Variants in WWTR1 observed in about 807,000 individuals in gnomAD.
WWTR1 encodes WW domain-containing transcription regulator protein 1.
A neutral mutation model predicts 40.1 loss-of-function variants in WWTR1; 13 were observed. The observed-to-expected ratio is 0.32, with a 90% CI of 0.21 to 0.52. The LOEUF (loss-of-function observed/expected upper bound fraction) is 0.52, where lower values mean the gene tolerates loss of function less well. Among genes scored for constraint, WWTR1 ranks in the 20% least tolerant of loss-of-function variants. The pLI is 0.97. For missense variants in WWTR1, 436 were observed against 523.1 expected, an observed-to-expected ratio of 0.83 and a Z score of 1.63; for synonymous variants, 230 against 210.1, an observed-to-expected ratio of 1.09 and a Z score of -0.82.
chr3:149,582,972 T>C (rs1738224253), intron 2 of WWTR1, among the ~76,000 whole-genome samples: 1 of 152,204 alleles, frequency 6.6e-6, no homozygotes, highest in Non-Finnish European at 1.5e-5. Flanking sequence ...ATTATTACTC[T>C]TATTTTTTTC....
chr3:149,599,753 T>C (rs1739165644), intron 2 of WWTR1, among the ~76,000 whole-genome samples: 1 of 152,144 alleles, frequency 6.6e-6, no homozygotes, highest in South Asian at 2.1e-4. Context: ...GGCAATAATA[T>C]CTACTTTAGT....
At chr3:149,676,284 T>C (rs112905866) in intron 1 of WWTR1, among the ~76,000 whole-genome samples, 1,696 of 152,200 alleles carry the variant, frequency 0.011, 31 homozygotes, top group African/African-American at 0.039. Context: ...AAATCTTCAG[T>C]ATTGATTCTT....
intron 3 of WWTR1, among the ~76,000 whole-genome samples, chr3:149,565,392 A>G (rs566119242): frequency 4.7e-4 from 71 of 151,912 alleles, no homozygotes; most frequent in African/African-American, 1.6e-3. Flanking sequence ...TTCTACCTAA[A>G]TTTCTAAATT....
chr3:149,656,787 TCTCTCACA>T (rs1713243332), intron 2 of WWTR1, 81 bp downstream of exon 2: 13 of 854,630 alleles, frequency 1.5e-5, no homozygotes, highest in South Asian at 9.6e-5. Flanking sequence ...TCTCTCTCTC[TCTCTCACA>T]CACACACACA....
At chr3:149,672,349 A>C (rs1714116665) in intron 1 of WWTR1, among the ~76,000 whole-genome samples, 1 of 152,208 alleles carries the variant, frequency 6.6e-6, no homozygotes, top group African/African-American at 2.4e-5. Flanking sequence ...TGGAAGTGAC[A>C]TACATGATTT....
intron 2 of WWTR1, among the ~76,000 whole-genome samples, chr3:149,598,209 C>T (rs771075250): frequency 7.2e-5 from 11 of 152,178 alleles, no homozygotes; most frequent in African/African-American, 1.7e-4. Context: ...TCAGTGCAAA[C>T]GTAACAGAAG....
In WWTR1 at chr3:149,542,359, C is replaced by T; in HGVS notation, c.747G>A (p.Met249Ile). 6.2e-7 allele frequency: 1 copy of T among 1,613,890 alleles called. No homozygotes were observed. Among genetic ancestry groups the T allele is most frequent in the Non-Finnish European group, 8.5e-7 (1 of 1,179,900 alleles). Reference sequence around the variant, plus strand: ...CCTGCCTCATGAGCTCCTCTTGGCGCATTCGAATCCTTTCTCTCTCCATCT... The same window carrying T: ...CCTGCCTCATGAGCTCCTCTTGGCGTATTCGAATCCTTTCTCTCTCCATCT... Reference protein sequence around the residue: ...RIQMERERIRMRQEELMRQEA... With the variant: ...RIQMERERIRIRQEELMRQEA... Residue 249 changes from methionine (M) to isoleucine (I), a missense_variant, in exon 4 of 7, where the codon ATG (methionine) becomes ATA (isoleucine). Physicochemically the swap from Met to Ile is conservative, Grantham distance 10. Transcript: ENST00000360632.
intron 2 of WWTR1, among the ~76,000 whole-genome samples, chr3:149,637,979 G>A (rs1711931850): frequency 6.6e-6 from 1 of 152,220 alleles, no homozygotes; most frequent in South Asian, 2.1e-4. Flanking sequence ...CACTTTGGGA[G>A]GCTGAGGTGG....
rs760054840 is a variant in WWTR1, at chr3:149,517,559, G to C, written c.*3246C>G. ...CTTTGAGAAGTTACTTTCTAATTAC[G>C]TCATGAGAACACAACTTGTAATTAG... On this transcript the variant is annotated 3_prime_UTR_variant, in exon 7 of 7. Coordinates refer to ENST00000360632, the MANE Select transcript of WWTR1 (RefSeq NM_015472.6). 1 of 151,676 alleles carries C rather than the reference G, an allele frequency of 6.6e-6. No homozygotes were observed. The highest frequency in any genetic ancestry group is 1.5e-5 in the Non-Finnish European group (1 of 67,962). 9.4% of individuals were successfully genotyped at this position (151,676 alleles called of 1,614,324 possible).
intron 4 of WWTR1, among the ~76,000 whole-genome samples, chr3:149,534,457 G>A (rs956417380): frequency 1.3e-5 from 2 of 152,138 alleles, no homozygotes; most frequent in South Asian, 4.1e-4. Flanking sequence ...CTCTACCTCA[G>A]ACAGTTCAGA....
At position 149,542,363 on chromosome 3, in the gene WWTR1, C is replaced by T. The variant is rs761556137; in HGVS notation, c.743G>A (p.Arg248Gln). The change falls in exon 4 of 7, where the codon CGA becomes CAA. Residue 248 changes from arginine to glutamine, a missense_variant. By Grantham distance (43) the Arg-to-Gln change is conservative. Coordinates refer to ENST00000360632, the MANE Select transcript of WWTR1 (RefSeq NM_015472.6). ...QRIQMERERI[R>Q]MRQEELMRQE... ...CCTCATGAGCTCCTCTTGGCGCATT[C>T]GAATCCTTTCTCTCTCCATCTGGAT... The T allele has an allele frequency of 3.1e-6, 5 of 1,613,932 alleles. No homozygotes were observed. The highest frequency in any genetic ancestry group is 3.3e-5 in the Admixed American group (2 of 60,012).
intron 2 of WWTR1, among the ~76,000 whole-genome samples, chr3:149,646,334 G>A (rs1439980215): frequency 1.3e-5 from 2 of 152,140 alleles, no homozygotes; most frequent in African/African-American, 2.4e-5. Flanking sequence ...CTTATACATA[G>A]CTCACACCAC....
intron 3 of WWTR1, among the ~76,000 whole-genome samples, chr3:149,554,621 T>C (rs564992166): frequency 6.6e-6 from 1 of 152,132 alleles, no homozygotes; most frequent in African/African-American, 2.4e-5. Context: ...TTAGTTCTCA[T>C]CATTATAATA....
chr3:149,526,104 C>T lies in WWTR1; in HGVS notation c.927G>A (p.Glu309=). 1 of 1,608,788 alleles carries T rather than the reference C, an allele frequency of 6.2e-7. No homozygotes were observed. The stretch of plus-strand genomic sequence containing the variant: ...ACCCCAGGCCACTGTCAGTGCTCTG[C>T]TCCCTCGAATGATATGGCCCTCTGC... ...FLNGGPYHSR[E]QSTDSGLGLG... Residue 309 remains glutamate, a synonymous_variant, in exon 6 of 7, where the codon GAG becomes GAA. Transcript: ENST00000360632.
chr3:149,594,688 T>C (rs922786873), intron 2 of WWTR1, among the ~76,000 whole-genome samples: 3 of 151,702 alleles, frequency 2.0e-5, no homozygotes, highest in Non-Finnish European at 2.9e-5. Flanking sequence ...GTGAATCTGA[T>C]TGGATCCTGC....
chr3:149,672,630 T>C lies in WWTR1; in HGVS notation c.-107-2739A>G, dbSNP rs77905880. On this transcript the variant is annotated intron_variant, in intron 1 of 7. Transcript: ENST00000465804. ...ATTTTATTAGAGATATAGTTCTTAA[T>C]AAGATGAATGGGACTATTTTCAATT... 8.5e-3 allele frequency among the ~76,000 whole-genome samples: 1,284 copies of C among 150,588 alleles called. 11 individuals are homozygous for C. Among genetic ancestry groups the C allele is most frequent in the Non-Finnish European group, 0.015 (998 of 67,972 alleles).
intron 3 of WWTR1, among the ~76,000 whole-genome samples, chr3:149,562,600 GACACACAC>G (rs60366789): frequency 0.12 from 15,748 of 135,790 alleles, 1,101 homozygotes; most frequent in African/African-American, 0.17. Flanking sequence ...TTAAAATACA[GACACACAC>G]ACACACACAC....
intron 2 of WWTR1, among the ~76,000 whole-genome samples, chr3:149,606,475 G>C (rs569347955): frequency 1.2e-4 from 19 of 152,020 alleles, no homozygotes; most frequent in Non-Finnish European, 2.5e-4. Flanking sequence ...TAATATATAG[G>C]TCATGAAACA....
chr3:149,560,453 G>T lies in WWTR1; in HGVS notation c.568+12411C>A, dbSNP rs926732473. Among the ~76,000 whole-genome samples, 15 of 152,204 alleles carry T rather than the reference G, an allele frequency of 9.9e-5. 1 individual carries two copies. Among genetic ancestry groups the T allele is most frequent in the Admixed American group, 9.2e-4 (14 of 15,276 alleles). ...AACCTCCAGCATGGAGCCGCCCTGA[G>T]CATTTGTTTTGTTAGGATGGGATGA... is the stretch of plus-strand genomic sequence containing the variant. On this transcript the variant is annotated intron_variant, in intron 3 of 6. Coordinates refer to ENST00000360632, the MANE Select transcript of WWTR1 (RefSeq NM_015472.6).
Sources: gnomAD v4.1 joint callset for allele counts (sites outside exome capture counted in the v4.1 genomes callset) on GRCh38, gnomAD v4.1.1 for gene constraint, MANE v1.5 for transcripts, NCBI Gene and HGNC (gene_info 2026-07-23, HGNC 2026-07-21) for gene names.